YEATS4: variants seen among roughly 807,000 people sequenced by gnomAD.
YEATS4 encodes YEATS domain-containing protein 4.
A neutral mutation model predicts 30.1 loss-of-function variants in YEATS4; 17 were observed. The ratio of observed to expected loss-of-function variants is 0.56; its 90% CI spans 0.39 to 0.85. YEATS4 has a LOEUF of 0.85. Among genes scored for constraint, YEATS4 ranks in the 40% least tolerant of loss-of-function variants. The probability of loss-of-function intolerance (pLI) is 0.00; values close to 1 mark genes in which losing one functional copy is unlikely to be tolerated. For missense variants in YEATS4, 142 were observed against 268.3 expected (o/e 0.53, Z 3.29); for synonymous variants, 85 against 87.5 (o/e 0.97, Z 0.16).
chr12:69,375,736 A>G (rs1051787454), intron 6 of YEATS4, among the ~76,000 whole-genome samples: 2 of 152,070 alleles, frequency 1.3e-5, no homozygotes, highest in East Asian at 1.9e-4. Flanking sequence ...CCCCGTCTCC[A>G]CCAAAAAATA....
intron 6 of YEATS4, among the ~76,000 whole-genome samples, chr12:69,379,377 T>A (rs2121012708): frequency 6.6e-6 from 1 of 152,096 alleles, no homozygotes; most frequent in East Asian, 1.9e-4. Context: ...CTATCTCCTC[T>A]TTAATTAAGG....
At chr12:69,404,726 C>T in the YEATS4 span, among the ~76,000 whole-genome samples, 1 of 152,188 alleles carries the variant, frequency 6.6e-6, no homozygotes, top group Non-Finnish European at 1.5e-5. Context: ...CCCATGTTGT[C>T]AATAGTAGAT....
chr12:69,398,020 A>G, the YEATS4 span, among the ~76,000 whole-genome samples: 2 of 152,224 alleles, frequency 1.3e-5, no homozygotes. Context: ...GACAGAATCC[A>G]ATACCCGTTT....
chr12:69,380,785 AAG>A lies in YEATS4; in HGVS notation c.515-9356_515-9355del, dbSNP rs1218365839. 2.0e-5 allele frequency among the ~76,000 whole-genome samples: 3 copies of A among 152,304 alleles called. No homozygotes were observed. In the East Asian group the frequency reaches 5.8e-4, roughly 29 times the overall value. On this transcript the variant is annotated intron_variant, in intron 6 of 6. Coordinates refer to ENST00000247843, the MANE Select transcript of YEATS4 (RefSeq NM_006530.4). Reference sequence around the variant, plus strand: ...TGAGAAATAAAGGGACAGAGTACAAAAGAGAGAAATTTTAAAGCTGGGTGTCC... The same window carrying A: ...TGAGAAATAAAGGGACAGAGTACAAAAGAGAAATTTTAAAGCTGGGTGTCC...
At chr12:69,376,020 T>C (rs1875859262) in intron 6 of YEATS4, among the ~76,000 whole-genome samples, 1 of 152,230 alleles carries the variant, frequency 6.6e-6, no homozygotes, top group African/African-American at 2.4e-5. Flanking sequence ...CTGAATTTGT[T>C]TATCAACTCT....
At chr12:69,384,558 G>A (rs1176891815) in intron 6 of YEATS4, among the ~76,000 whole-genome samples, 3 of 152,168 alleles carry the variant, frequency 2.0e-5, no homozygotes, top group Non-Finnish European at 2.9e-5. Flanking sequence ...ACTTAATTTT[G>A]ATCATCACTT....
chr12:69,425,369 G>A, the YEATS4 span, among the ~76,000 whole-genome samples: 15 of 152,166 alleles, frequency 9.9e-5, no homozygotes, highest in African/African-American at 4.8e-5. Context: ...TTTGAGAAAG[G>A]GGCCTGAATA....
the YEATS4 span, among the ~76,000 whole-genome samples, chr12:69,399,616 T>C: frequency 6.6e-6 from 1 of 152,196 alleles, no homozygotes; most frequent in Admixed American, 6.5e-5. Flanking sequence ...AGAGTTACCA[T>C]ATGACCTCAA....
downstream of YEATS4, among the ~76,000 whole-genome samples, chr12:69,393,574 GA>G (rs11345743): frequency 0.44 from 62,050 of 141,018 alleles, 13,072 homozygotes; most frequent in Non-Finnish European, 0.47. Context: ...ATAAAGAAAA[GA>G]AAAAAAAAAA....
intron 1 of YEATS4, among the ~76,000 whole-genome samples, chr12:69,362,013 G>GTTTTTTTTTTTTTTTTTTTTTT (rs533225716): frequency 7.2e-5 from 5 of 69,058 alleles, no homozygotes; most frequent in African/African-American, 2.0e-4. Context: ...GTGTTTGGTT[G>GTTTTTTTTTTTTTTTTTTTTTT]TTTTTTTTTT....
chr12:69,388,829 G>A (rs1010672247), intron 6 of YEATS4, among the ~76,000 whole-genome samples: 1 of 152,108 alleles, frequency 6.6e-6, no homozygotes, highest in Non-Finnish European at 1.5e-5. Flanking sequence ...GGGTGTGGTG[G>A]CTCACACCTG....
chr12:69,362,744 TA>T, intron 1 of YEATS4, 43 bp from the exon 2 acceptor site: 1 of 1,481,248 alleles, frequency 6.8e-7, no homozygotes, highest in Non-Finnish European at 9.2e-7. Flanking sequence ...CATATTTAGC[TA>T]ATGGTACAAT....
intron 6 of YEATS4, among the ~76,000 whole-genome samples, chr12:69,385,027 CT>C (rs1443893843): frequency 6.6e-6 from 1 of 151,720 alleles, no homozygotes; most frequent in Non-Finnish European, 1.5e-5. Flanking sequence ...TTTTTTTCCC[CT>C]AGAGACAGGT....
At chr12:69,396,341 T>A in the YEATS4 span, among the ~76,000 whole-genome samples, 1 of 152,196 alleles carries the variant, frequency 6.6e-6, no homozygotes, top group Non-Finnish European at 1.5e-5. Flanking sequence ...TAAATGACTT[T>A]CAGAGTCACA....
At chr12:69,365,559 A>G (rs1164585785) in intron 2 of YEATS4, 74 bp from the exon 3 acceptor site, 1 of 1,051,794 alleles carries the variant, frequency 9.5e-7, no homozygotes, top group African/African-American at 1.6e-5. Context: ...AAAACTAAGT[A>G]TATACGCTCA....
At chr12:69,378,166 T>C (rs1875938744) in intron 6 of YEATS4, among the ~76,000 whole-genome samples, 1 of 152,226 alleles carries the variant, frequency 6.6e-6, no homozygotes, top group Non-Finnish European at 1.5e-5. Context: ...ACTCCTGCTC[T>C]TTTTTGATTT....
At chr12:69,400,734 T>G in the YEATS4 span, among the ~76,000 whole-genome samples, 1 of 149,678 alleles carries the variant, frequency 6.7e-6, no homozygotes, top group African/African-American at 2.5e-5. Flanking sequence ...TCACTAGTAA[T>G]CAGAGAAATG....
chr12:69,427,026 G>T, the YEATS4 span, among the ~76,000 whole-genome samples: 1 of 152,018 alleles, frequency 6.6e-6, no homozygotes, highest in Non-Finnish European at 1.5e-5. Context: ...TTGATGTTTG[G>T]CTATCTTAAT....
At chr12:69,405,372 T>A in the YEATS4 span, among the ~76,000 whole-genome samples, 1 of 152,216 alleles carries the variant, frequency 6.6e-6, no homozygotes, top group Non-Finnish European at 1.5e-5. Context: ...ATTATAACAA[T>A]GTATTGGTCT....
Sources: allele counts gnomAD v4.1 joint callset (sites outside exome capture counted in the v4.1 genomes callset), GRCh38; gene constraint gnomAD v4.1.1; transcripts MANE v1.5; gene names NCBI Gene and HGNC (gene_info 2026-07-23, HGNC 2026-07-21).